Variants in PTPRN2 observed in about 807,000 individuals in gnomAD.
The protein encoded by PTPRN2 is receptor-type tyrosine-protein phosphatase N2.
PTPRN2 carries 74 observed loss-of-function variants against 118.8 expected under a neutral mutation model. The observed-to-expected ratio is 0.62, with a 90% CI of 0.52 to 0.76. PTPRN2 has a LOEUF of 0.76. Ranked by LOEUF, PTPRN2 falls within the 30% of genes least tolerant of loss-of-function variation. The probability of loss-of-function intolerance (pLI) is 0.00; values close to 1 mark genes in which losing one functional copy is unlikely to be tolerated. For missense variants in PTPRN2, 1,481 were observed against 1,394.4 expected, an observed-to-expected ratio of 1.06 and a Z score of -0.99; for synonymous variants, 641 against 608.0, an observed-to-expected ratio of 1.05 and a Z score of -0.80.
At chr7:157,556,664 C>A (rs1050093870) in intron 21 of PTPRN2, among the ~76,000 whole-genome samples, 2 of 150,656 alleles carry the variant, frequency 1.3e-5, no homozygotes, top group Admixed American at 1.3e-4. Context: ...AACATGCACA[C>A]CCCACACTCA....
At chr7:157,899,994 T>G (rs1797349975) in intron 11 of PTPRN2, among the ~76,000 whole-genome samples, 1 of 152,176 alleles carries the variant, frequency 6.6e-6, no homozygotes, top group South Asian at 2.1e-4. Flanking sequence ...ATTGGCAAGC[T>G]TCTCTCAGGA....
intron 11 of PTPRN2, among the ~76,000 whole-genome samples, chr7:158,055,243 A>C (rs560347529): frequency 6.6e-6 from 1 of 152,316 alleles, no homozygotes; most frequent in African/African-American, 2.4e-5. Context: ...GTGAGAAGTG[A>C]CCAGAAGACA....
intron 12 of PTPRN2, chr7:157,857,585 TCA>T (rs1809814068): frequency 6.6e-6 from 1 of 151,990 alleles, no homozygotes; most frequent in Non-Finnish European, 1.5e-5. Context: ...CACCGGGGAG[TCA>T]CAGCTCCTTC....
Position 158,120,668 on chromosome 7 carries a change from G to C in PTPRN2, c.1557-9753C>G, listed in dbSNP as rs141581691. Among the ~76,000 whole-genome samples, 879 of 152,296 alleles carry C rather than the reference G, an allele frequency of 5.8e-3. 6 individuals carry two copies. Among genetic ancestry groups the C allele is most frequent in the African/African-American group, 0.02 (840 of 41,562 alleles). On this transcript the variant is annotated intron_variant, in intron 9 of 22. Coordinates refer to ENST00000389418, the MANE Select transcript of PTPRN2 (RefSeq NM_002847.5). Reference sequence around the variant, plus strand: ...TCCTTTAAAGAGTGGCTGCTGGAAGGGGAGGGGTCCCAGATGTCCTCTCTT... The same window carrying C: ...TCCTTTAAAGAGTGGCTGCTGGAAGCGGAGGGGTCCCAGATGTCCTCTCTT...
At chr7:157,548,085 G>T (rs1798416057) in intron 22 of PTPRN2, among the ~76,000 whole-genome samples, 1 of 152,150 alleles carries the variant, frequency 6.6e-6, no homozygotes, top group Non-Finnish European at 1.5e-5. Context: ...GATTATTTCT[G>T]CATTTTATTT....
chr7:157,939,517 A>G (rs1799916857), intron 11 of PTPRN2, among the ~76,000 whole-genome samples: 2 of 152,246 alleles, frequency 1.3e-5, no homozygotes, highest in Admixed American at 1.3e-4. Context: ...AAGTGCCAGG[A>G]TTCACCCTGT....
In PTPRN2 at chr7:157,882,220, T is replaced by C. The variant is rs535338896; in HGVS notation, c.1788+16453A>G. Among the ~76,000 whole-genome samples the C allele has an allele frequency of 6.0e-5, 8 of 132,260 alleles. No homozygotes were observed. The South Asian group carries it at 1.7e-3, about 28-fold the overall frequency. The allele number at this position is 132,260 out of a possible 152,430, so 86.8% of individuals were successfully genotyped here. A position where few individuals can be genotyped will look rare whatever the true frequency, so the allele number is the denominator to read the frequency against. On this transcript the variant is annotated intron_variant, in intron 12 of 22. Coordinates refer to ENST00000389418, the MANE Select transcript of PTPRN2 (RefSeq NM_002847.5). ...CCAAAAATGACTATCAGAGACCAGA[T>C]ACACCACCCCAAAATGACTGTTGGA...
At chr7:157,914,506 T>A (rs903272551) in intron 11 of PTPRN2, among the ~76,000 whole-genome samples, 1 of 152,176 alleles carries the variant, frequency 6.6e-6, no homozygotes, top group African/African-American at 2.4e-5. Flanking sequence ...TCATGGATCA[T>A]GTGTAAGATG....
chr7:158,478,615 C>T (rs147307578), intron 2 of PTPRN2, among the ~76,000 whole-genome samples: 85 of 152,282 alleles, frequency 5.6e-4, no homozygotes, highest in Middle Eastern at 6.8e-3. Context: ...TGGAGAAGGA[C>T]CACACACCCC....
chr7:158,002,719 C>T lies in PTPRN2; in HGVS notation c.1723+78579G>A, dbSNP rs138584033. On this transcript the variant is annotated intron_variant, in intron 11 of 22. Transcript: ENST00000389418. Reference sequence around the variant, plus strand: ...TGCTCCCTGGAAGCAGATCTGAGGACGTTTCGGGCAGGTCAGCTGCAGCGA... The same window carrying T: ...TGCTCCCTGGAAGCAGATCTGAGGATGTTTCGGGCAGGTCAGCTGCAGCGA... Among the ~76,000 whole-genome samples the T allele has an allele frequency of 4.1e-3, 617 of 152,292 alleles. 4 individuals carry two copies. Among genetic ancestry groups the T allele is most frequent in the African/African-American group, 0.012 (509 of 41,578 alleles).
intron 11 of PTPRN2, among the ~76,000 whole-genome samples, chr7:158,035,323 T>C (rs1459858121): frequency 1.3e-5 from 2 of 152,216 alleles, no homozygotes; most frequent in African/African-American, 4.8e-5. Context: ...GTCTAATGCA[T>C]AAATACTGTA....
At chr7:158,224,839 T>G (rs111465751) in intron 3 of PTPRN2, among the ~76,000 whole-genome samples, 1,840 of 152,278 alleles carry the variant, frequency 0.012, 42 homozygotes, top group African/African-American at 0.038. Flanking sequence ...GACAAAGGAC[T>G]AGTATCAGGA....
chr7:157,559,832 C>T (rs915722538), intron 21 of PTPRN2, among the ~76,000 whole-genome samples: 3 of 152,280 alleles, frequency 2.0e-5, no homozygotes, highest in East Asian at 1.9e-4. Context: ...TGTGGCCCCC[C>T]CCGCCCCGTC....
At chr7:158,512,071 T>G (rs1436293769) in intron 1 of PTPRN2, among the ~76,000 whole-genome samples, 1 of 152,048 alleles carries the variant, frequency 6.6e-6, no homozygotes, top group Non-Finnish European at 1.5e-5. Context: ...ATGCTTCAGA[T>G]CCCGGGACAG....
chr7:158,085,471 ACCCATCCACACCCACGACG>A (rs1357458155), intron 10 of PTPRN2, among the ~76,000 whole-genome samples: 10 of 84,456 alleles, frequency 1.2e-4, no homozygotes, highest in African/African-American at 4.6e-4. Context: ...ACACTCCGAC[ACCCATCCACACCCACGACG>A]CCCATCCACA....
chr7:158,468,961 C>T (rs1219072367), intron 2 of PTPRN2, among the ~76,000 whole-genome samples: 1 of 151,744 alleles, frequency 6.6e-6, no homozygotes, highest in African/African-American at 2.4e-5. Flanking sequence ...ACACACACTC[C>T]GGGTGGATCA....
intron 2 of PTPRN2, among the ~76,000 whole-genome samples, chr7:158,326,108 G>A (rs1427910175): frequency 1.3e-5 from 2 of 152,222 alleles, no homozygotes; most frequent in Non-Finnish European, 2.9e-5. Flanking sequence ...CCCGCCGCAG[G>A]TCTTGAGTCT....
At chr7:158,267,215 C>G (rs1159183057) in intron 3 of PTPRN2, among the ~76,000 whole-genome samples, 2 of 152,218 alleles carry the variant, frequency 1.3e-5, no homozygotes, top group East Asian at 3.9e-4. Context: ...ACCTGCCAAC[C>G]TGCTTGTTAG....
At chr7:157,898,543 C>CT (rs1797262010) in intron 12 of PTPRN2, 130 bp downstream of exon 12, 2 of 936,634 alleles carry the variant, frequency 2.1e-6, no homozygotes, top group Non-Finnish European at 3.4e-6. Flanking sequence ...CTGCAGCCCA[C>CT]TGGTCCTCCC....
Sources: allele counts gnomAD v4.1 joint callset (sites outside exome capture counted in the v4.1 genomes callset), GRCh38; gene constraint gnomAD v4.1.1; transcripts MANE v1.5; gene names NCBI Gene and HGNC (gene_info 2026-07-23, HGNC 2026-07-21).